Variants in CSMD3 observed in about 807,000 individuals in gnomAD.
CSMD3 encodes the protein CUB and sushi domain-containing protein 3.
CSMD3 carries 177 observed loss-of-function variants against 435.2 expected under a neutral mutation model. That is an observed-to-expected ratio of 0.41 (90% CI 0.36 to 0.46). CSMD3 has a LOEUF of 0.46. Among genes scored for constraint, CSMD3 ranks in the 20% least tolerant of loss-of-function variants. CSMD3 has a pLI of 0.34. For synonymous variants in CSMD3, 1,656 were observed against 1,520.5 expected (o/e 1.09, Z -2.07); for missense variants, 4,265 against 4,504.6 (o/e 0.95, Z 1.52).
At chr8:112,837,923 C>T (rs571314403) in intron 11 of CSMD3, among the ~76,000 whole-genome samples, 3 of 151,884 alleles carry the variant, frequency 2.0e-5, no homozygotes, top group South Asian at 2.1e-4. Flanking sequence ...GCAAATACCA[C>T]GTTACACAAT....
chr8:113,279,866 C>T (rs1194724182), intron 2 of CSMD3, among the ~76,000 whole-genome samples: 2 of 151,552 alleles, frequency 1.3e-5, no homozygotes, highest in Non-Finnish European at 3.0e-5. Flanking sequence ...ACATCTTTTT[C>T]TCCTTTGGAT....
intron 12 of CSMD3, among the ~76,000 whole-genome samples, chr8:112,817,996 AAAAAG>A: frequency 6.6e-6 from 1 of 151,944 alleles, no homozygotes; most frequent in African/African-American, 2.4e-5. Context: ...TACTTCATAA[AAAAAG>A]AAATTTTATA....
chr8:113,244,335 A>G (rs1470780523), intron 3 of CSMD3, among the ~76,000 whole-genome samples: 2 of 152,156 alleles, frequency 1.3e-5, no homozygotes, highest in Non-Finnish European at 2.9e-5. Flanking sequence ...GTTTTGTTTG[A>G]GACGGAGTCT....
At position 112,859,178 on chromosome 8, in the gene CSMD3, A is replaced by G; in HGVS notation, c.1722T>C (p.Cys574=). 6.2e-7 allele frequency: 1 copy of G among 1,611,072 alleles called. No individual in the cohort carries two copies. Among genetic ancestry groups the G allele is most frequent in the Non-Finnish European group, 8.5e-7 (1 of 1,177,608 alleles). Residue 574 remains cysteine (C), a synonymous_variant, in exon 11 of 71, where the codon TGT becomes TGC. Transcript: ENST00000297405. ...FPFQYDSNAQ[C]VWVITAVNTN... The stretch of plus-strand genomic sequence containing the variant: ...TATTCACTGCTGTGATGACCCAGAC[A>G]CATTGTGCATTGCTGTCATACTGGA...
At chr8:113,181,119 T>A (rs1342567010) in intron 3 of CSMD3, among the ~76,000 whole-genome samples, 1 of 151,952 alleles carries the variant, frequency 6.6e-6, no homozygotes, top group Non-Finnish European at 1.5e-5. Flanking sequence ...AGCAAGACAG[T>A]ACTGTCTTAG....
rs2081959017 is a variant in CSMD3 at position 112,896,686 on chromosome 8, A to G, written c.1633+24941T>C. Among the ~76,000 whole-genome samples, 3 of 151,392 alleles carry G rather than the reference A, an allele frequency of 2.0e-5. No homozygotes were observed. In the South Asian group the frequency reaches 6.2e-4, roughly 31 times the overall value. Reference sequence around the variant, plus strand: ...TGGACAATGTTTGGTTTCATTCTTTATATTCCATCCATGTATTTTGTTTCC... The same window carrying G: ...TGGACAATGTTTGGTTTCATTCTTTGTATTCCATCCATGTATTTTGTTTCC... On this transcript the variant is annotated intron_variant, in intron 10 of 70. Transcript: ENST00000297405.
chr8:112,288,311 T>C (rs1819419621), intron 57 of CSMD3, among the ~76,000 whole-genome samples: 1 of 151,924 alleles, frequency 6.6e-6, no homozygotes, highest in Non-Finnish European at 1.5e-5. Flanking sequence ...GTATAAGCAG[T>C]TATCTGAGAG....
intron 35 of CSMD3, among the ~76,000 whole-genome samples, chr8:112,397,390 G>A (rs913380918): frequency 2.6e-5 from 4 of 152,088 alleles, no homozygotes; most frequent in African/African-American, 9.7e-5. Flanking sequence ...AAGGTAATAT[G>A]TCTTTTTCAT....
At chr8:112,440,383 C>T (rs1180028971) in intron 32 of CSMD3, among the ~76,000 whole-genome samples, 1 of 152,102 alleles carries the variant, frequency 6.6e-6, no homozygotes, top group Non-Finnish European at 1.5e-5. Flanking sequence ...AGGGTATAGC[C>T]ACCCCTCCTG....
At chr8:113,124,514 A>C (rs990098112) in intron 4 of CSMD3, among the ~76,000 whole-genome samples, 2 of 151,834 alleles carry the variant, frequency 1.3e-5, no homozygotes, top group Non-Finnish European at 2.9e-5. Context: ...TATGGGATTC[A>C]TTTTTATCAT....
intron 32 of CSMD3, among the ~76,000 whole-genome samples, chr8:112,450,229 C>A (rs1035746402): frequency 8.5e-5 from 13 of 152,064 alleles, no homozygotes; most frequent in Non-Finnish European, 1.6e-4. Context: ...GATTGGAAGT[C>A]AGATTTTCAA....
chr8:113,395,148 A>C (rs183278875), intron 1 of CSMD3, among the ~76,000 whole-genome samples: 40 of 152,276 alleles, frequency 2.6e-4, no homozygotes, highest in Admixed American at 2.5e-3. Context: ...TAGTACAAAC[A>C]TAAGGAACAG....
chr8:112,972,768 T>C (rs990393027), intron 7 of CSMD3, among the ~76,000 whole-genome samples: 1 of 151,990 alleles, frequency 6.6e-6, no homozygotes, highest in Non-Finnish European at 1.5e-5. Context: ...GGTCAGAAAC[T>C]GTACTAAGTA....
intron 13 of CSMD3, among the ~76,000 whole-genome samples, chr8:112,783,482 G>GAAGGAAGT (rs2078452425): frequency 1.0e-5 from 1 of 96,754 alleles, no homozygotes; most frequent in Non-Finnish European, 2.1e-5. Flanking sequence ...AGGAAGGAAG[G>GAAGGAAGT]GAGAGAAGGG....
At chr8:113,197,380 G>C (rs544467471) in intron 3 of CSMD3, among the ~76,000 whole-genome samples, 1 of 150,950 alleles carries the variant, frequency 6.6e-6, no homozygotes, top group South Asian at 2.1e-4. Flanking sequence ...ATTATGTTAT[G>C]CAAATACTCC....
At chr8:113,077,056 C>T (rs934891832) in intron 5 of CSMD3, among the ~76,000 whole-genome samples, 1 of 151,976 alleles carries the variant, frequency 6.6e-6, no homozygotes, top group African/African-American at 2.4e-5. Flanking sequence ...CTGTTTTGAG[C>T]ATGGTGGTGG....
intron 24 of CSMD3, among the ~76,000 whole-genome samples, chr8:112,563,761 T>C (rs1463325269): frequency 6.6e-6 from 1 of 152,082 alleles, no homozygotes; most frequent in African/African-American, 2.4e-5. Context: ...AGTTTCAATT[T>C]CTGCAAATTG....
intron 20 of CSMD3, among the ~76,000 whole-genome samples, chr8:112,640,646 G>C (rs1257080804): frequency 6.6e-6 from 1 of 151,518 alleles, no homozygotes; most frequent in Non-Finnish European, 1.5e-5. Flanking sequence ...CCCTTTTAGA[G>C]GGGGTCTAAA....
intron 10 of CSMD3, among the ~76,000 whole-genome samples, chr8:112,905,319 T>TGTAA (rs1554714976): frequency 9.7e-6 from 1 of 103,480 alleles, no homozygotes; most frequent in Non-Finnish European, 1.9e-5. Flanking sequence ...TATATATATA[T>TGTAA]ATACACACAC....
Sources: gnomAD v4.1 joint callset for allele counts (sites outside exome capture counted in the v4.1 genomes callset) on GRCh38, gnomAD v4.1.1 for gene constraint, MANE v1.5 for transcripts, NCBI Gene and HGNC (gene_info 2026-07-23, HGNC 2026-07-21) for gene names.